FER1L6: variants seen among roughly 807,000 people sequenced by gnomAD.
FER1L6 encodes fer-1 like family member 6, also known as fer-1-like protein 6.
FER1L6 carries 177 observed loss-of-function variants against 219.2 expected under a neutral mutation model. That is an observed-to-expected ratio of 0.81 (90% CI 0.71 to 0.91). FER1L6 has a LOEUF of 0.91. FER1L6 is among the 40% of genes least tolerant of loss of function. The pLI, the probability that FER1L6 is intolerant of heterozygous loss-of-function variation, is 0.00. For synonymous variants in FER1L6, 768 were observed against 824.3 expected (o/e 0.93, Z 1.17); for missense variants, 2,153 against 2,259.9 (o/e 0.95, Z 0.96).
At chr8:123,966,620 G>T (rs1274710140) in intron 5 of FER1L6, among the ~76,000 whole-genome samples, 3 of 152,176 alleles carry the variant, frequency 2.0e-5, no homozygotes. Flanking sequence ...CGGTTAGGGA[G>T]AAGATACATA....
chr8:124,070,171 C>A (rs1008035557), intron 29 of FER1L6, among the ~76,000 whole-genome samples: 2 of 152,144 alleles, frequency 1.3e-5, no homozygotes, highest in African/African-American at 4.8e-5. Flanking sequence ...ATCCAACAAC[C>A]AATGGCATCA....
intron 39 of FER1L6, among the ~76,000 whole-genome samples, chr8:124,110,438 C>CA (rs1192735487): frequency 1.3e-5 from 2 of 152,148 alleles, no homozygotes; most frequent in Non-Finnish European, 2.9e-5. Context: ...CATTTTCTGT[C>CA]AAAGAGCCAT....
At chr8:123,876,750 A>G (rs1817010967) in intron 1 of FER1L6, among the ~76,000 whole-genome samples, 1 of 152,110 alleles carries the variant, frequency 6.6e-6, no homozygotes, top group African/African-American at 2.4e-5. Context: ...TGGGGCTGAC[A>G]TGTCATAAGT....
chr8:123,990,210 G>A (rs1816786458), intron 12 of FER1L6, among the ~76,000 whole-genome samples: 1 of 152,204 alleles, frequency 6.6e-6, no homozygotes, highest in African/African-American at 2.4e-5. Flanking sequence ...GGATCTTGCA[G>A]TAAGCCGAGA....
chr8:123,994,146 G>T (rs1817007733), intron 12 of FER1L6, among the ~76,000 whole-genome samples: 1 of 152,230 alleles, frequency 6.6e-6, no homozygotes, highest in Admixed American at 6.5e-5. Context: ...CTGCAGTGGT[G>T]GTGGTGGGAT....
At chr8:123,889,172 T>C (rs1243672863) in intron 1 of FER1L6, among the ~76,000 whole-genome samples, 1 of 152,200 alleles carries the variant, frequency 6.6e-6, no homozygotes, top group Non-Finnish European at 1.5e-5. Flanking sequence ...ATGTTGTTGG[T>C]TTAATGAAAA....
At chr8:123,960,785 A>AT (rs2130167154) in intron 2 of FER1L6, among the ~76,000 whole-genome samples, 1 of 152,092 alleles carries the variant, frequency 6.6e-6, no homozygotes, top group South Asian at 2.1e-4. Context: ...GGATCACCTC[A>AT]TCTCAAACTC....
In FER1L6 at chr8:123,977,405, C is replaced by T; in HGVS notation, c.871-12C>T. The T allele has an allele frequency of 6.2e-7, 1 of 1,609,774 alleles. No individual in the cohort carries two copies. The highest frequency in any genetic ancestry group is 8.5e-7 in the Non-Finnish European group (1 of 1,177,422). On this transcript the variant is annotated splice_polypyrimidine_tract_variant and intron_variant, in intron 9 of 40. Coordinates refer to ENST00000522917, the MANE Select transcript of FER1L6 (RefSeq NM_001039112.2). ...CCTTCCATGACTCATGTCCTCCTGG[C>T]TGTGTTTTTAGGGGCGAACCACAGT...
rs1301119495 is a variant in FER1L6, at chr8:124,049,589, ATTTCT to A, written c.2725-11_2725-7del. 4 of 1,613,174 alleles carry A rather than the reference ATTTCT, an allele frequency of 2.5e-6. No individual in the cohort carries two copies. Among genetic ancestry groups the A allele is most frequent in the African/African-American group, 1.3e-5 (1 of 74,870 alleles). On this transcript the variant is annotated splice_polypyrimidine_tract_variant and intron_variant, in intron 21 of 40. Coordinates refer to ENST00000522917, the MANE Select transcript of FER1L6 (RefSeq NM_001039112.2). ...ATTAATGATCAGGAAATACAAACTC[ATTTCT>A]TTTCTTCTTTAGGGGAAGCCAGAAT...
chr8:123,878,478 A>G (rs1224145073), intron 1 of FER1L6, among the ~76,000 whole-genome samples: 1 of 152,134 alleles, frequency 6.6e-6, no homozygotes, highest in Non-Finnish European at 1.5e-5. Flanking sequence ...ACTGTCCTCC[A>G]CCTCAATAAT....
chr8:123,961,672 A>C (rs1280521294), intron 2 of FER1L6, among the ~76,000 whole-genome samples: 2 of 152,130 alleles, frequency 1.3e-5, no homozygotes, highest in Non-Finnish European at 2.9e-5. Context: ...AATATTCAAG[A>C]AGGTGGTCTT....
At chr8:124,008,042 C>A (rs1368659444) in intron 13 of FER1L6, among the ~76,000 whole-genome samples, 2 of 152,114 alleles carry the variant, frequency 1.3e-5, no homozygotes, top group Non-Finnish European at 2.9e-5. Flanking sequence ...CACCCATCAC[C>A]TGAGCAGTAT....
chr8:123,939,083 C>CTG (rs1814123509), intron 1 of FER1L6: 13 of 708,684 alleles, frequency 1.8e-5, no homozygotes, highest in Non-Finnish European at 2.3e-5. Flanking sequence ...AGTTTTGAGG[C>CTG]TGTGTAGTAA....
In FER1L6 at chr8:124,021,855, A is replaced by ATT. The variant is rs11370425; in HGVS notation, c.2133+194_2133+195dup. On this transcript the variant is annotated intron_variant, in intron 17 of 40. Coordinates refer to ENST00000522917, the MANE Select transcript of FER1L6 (RefSeq NM_001039112.2). Reference sequence around the variant, plus strand: ...AAACCAAACAAGTACAGCTTTATTCATTTTTTTTTCACAAAGCCTGAACAT... The same window carrying ATT: ...AAACCAAACAAGTACAGCTTTATTCATTTTTTTTTTTCACAAAGCCTGAACAT... Among the ~76,000 whole-genome samples the ATT allele has an allele frequency of 1.4e-3, 218 of 151,502 alleles. 1 individual carries two copies. Among genetic ancestry groups the ATT allele is most frequent in the African/African-American group, 4.7e-3 (195 of 41,280 alleles).
At chr8:123,894,422 C>T (rs1812709871) in intron 1 of FER1L6, among the ~76,000 whole-genome samples, 1 of 152,164 alleles carries the variant, frequency 6.6e-6, no homozygotes, top group African/African-American at 2.4e-5. Flanking sequence ...CAGTGATTGG[C>T]TTTCTATGCG....
intron 19 of FER1L6, among the ~76,000 whole-genome samples, chr8:124,039,420 C>T (rs1476528575): frequency 1.3e-5 from 2 of 152,152 alleles, no homozygotes; most frequent in African/African-American, 4.8e-5. Context: ...CCCACATGCA[C>T]ACACATGCAC....
At chr8:124,011,126 C>T (rs574949315) in intron 14 of FER1L6, among the ~76,000 whole-genome samples, 4 of 152,300 alleles carry the variant, frequency 2.6e-5, no homozygotes, top group Non-Finnish European at 4.4e-5. Flanking sequence ...CCCATCTTTC[C>T]TAAGTTCTTC....
At chr8:124,070,041 G>GA (rs1285796889) in intron 29 of FER1L6, among the ~76,000 whole-genome samples, 1 of 152,076 alleles carries the variant, frequency 6.6e-6, no homozygotes, top group Non-Finnish European at 1.5e-5. Flanking sequence ...TTTCCACCTG[G>GA]AAATTTCATG....
rs1816272302 is a variant in FER1L6, at chr8:123,980,448, A to C, written c.1064-17A>C. The C allele has an allele frequency of 1.3e-6, 2 of 1,564,294 alleles. No individual in the cohort carries two copies. Among genetic ancestry groups the C allele is most frequent in the Middle Eastern group, 1.7e-4 (1 of 5,832 alleles). On this transcript the variant is annotated splice_polypyrimidine_tract_variant and intron_variant, in intron 10 of 40. Transcript: ENST00000522917. The stretch of plus-strand genomic sequence containing the variant: ...GCAAAAACATAATGAGATAACTAAA[A>C]CCTGGGGTCTCTCTAGGCTTTCTGC...
Sources: gnomAD v4.1 joint callset for allele counts (sites outside exome capture counted in the v4.1 genomes callset) on GRCh38, gnomAD v4.1.1 for gene constraint, MANE v1.5 for transcripts, NCBI Gene and HGNC (gene_info 2026-07-23, HGNC 2026-07-21) for gene names.